The following AFAP1 variants were observed in gnomAD, a reference collection of about 807,000 sequenced individuals.
AFAP1 encodes actin filament associated protein 1.
In AFAP1, 75 loss-of-function variants were observed where a neutral mutation model predicts 93.9. That is an observed-to-expected ratio of 0.80 (90% CI 0.66 to 0.97). The LOEUF (loss-of-function observed/expected upper bound fraction) is 0.97. Among genes scored for constraint, AFAP1 ranks in the 50% least tolerant of loss-of-function variants. The pLI is 0.00. For missense variants in AFAP1, 1,201 were observed against 1,050.8 expected, an observed-to-expected ratio of 1.14 and a Z score of -1.98; for synonymous variants, 517 against 430.7, an observed-to-expected ratio of 1.20 and a Z score of -2.48.
Position 7,760,162 on chromosome 4 carries a change from C to G in AFAP1, c.*3603G>C, listed in dbSNP as rs781322920. The G allele has an allele frequency of 1.3e-5, 2 of 152,224 alleles. No homozygotes were observed. The highest frequency in any genetic ancestry group is 2.9e-5 in the Non-Finnish European group (2 of 68,030). 9.4% of individuals were successfully genotyped at this position (152,224 alleles called of 1,614,324 possible). A position where few individuals can be genotyped will look rare whatever the true frequency, so the allele number is the denominator to read the frequency against. On this transcript the variant is annotated 3_prime_UTR_variant, in exon 18 of 18. Transcript: ENST00000420658. The stretch of plus-strand genomic sequence containing the variant: ...AATGACAATGAACCTCAAACTCCTT[C>G]CTGGGGGTGGCCTCCAGAGCTGAGG...
At chr4:7,875,164 T>C (rs1271684833) in intron 1 of AFAP1, among the ~76,000 whole-genome samples, 2 of 152,230 alleles carry the variant, frequency 1.3e-5, no homozygotes, top group African/African-American at 4.8e-5. Flanking sequence ...GCAAAAAAGT[T>C]TGAGAGCTGC....
intron 1 of AFAP1, among the ~76,000 whole-genome samples, chr4:7,915,174 C>T (rs186795693): frequency 1.6e-4 from 25 of 152,350 alleles, no homozygotes; most frequent in Non-Finnish European, 2.8e-4. Context: ...TGCGCCCCCG[C>T]GCCCAGCCAG....
chr4:7,780,479 C>T (rs1716644789), intron 13 of AFAP1, among the ~76,000 whole-genome samples: 1 of 152,144 alleles, frequency 6.6e-6, no homozygotes, highest in Non-Finnish European at 1.5e-5. Context: ...TACATATGGG[C>T]TTAGGTCTTT....
chr4:7,939,309 G>T lies in AFAP1; in HGVS notation c.-3+347C>A. On this transcript the variant is annotated intron_variant, in intron 1 of 17. Transcript: ENST00000420658. This position sits in a 1 kb window ranked among gnomAD's most constrained non-coding sequence, Gnocchi z 5.6. ...TCCCACTCTTGGTGACCCGGACCCC[G>T]CCCCACGAGTGGGTCTTCGCAGGGC... 1 of 310,588 alleles carries T rather than the reference G, an allele frequency of 3.2e-6. No individual in the cohort carries two copies. The highest frequency in any genetic ancestry group is 2.4e-5 in the South Asian group (1 of 41,630). 19.2% of individuals were successfully genotyped at this position (310,588 alleles called of 1,614,324 possible).
At chr4:7,908,847 A>C (rs2082674340) in intron 1 of AFAP1, among the ~76,000 whole-genome samples, 1 of 152,222 alleles carries the variant, frequency 6.6e-6, no homozygotes, top group South Asian at 2.1e-4. Flanking sequence ...AAAGAAGCTA[A>C]TGAAGCTTTG....
At chr4:7,831,694 A>C in intron 6 of AFAP1, among the ~76,000 whole-genome samples, 1 of 152,334 alleles carries the variant, frequency 6.6e-6, no homozygotes, top group East Asian at 1.9e-4. Context: ...AACTAACTGT[A>C]AGGACAGAGG....
intron 17 of AFAP1, among the ~76,000 whole-genome samples, chr4:7,764,499 G>A (rs1353863566): frequency 6.6e-6 from 1 of 152,200 alleles, no homozygotes; most frequent in Non-Finnish European, 1.5e-5. Context: ...GCAACAATGG[G>A]AATGTGCTTA....
intron 1 of AFAP1, among the ~76,000 whole-genome samples, chr4:7,891,448 C>G (rs1388910113): frequency 6.6e-6 from 1 of 151,886 alleles, no homozygotes; most frequent in Non-Finnish European, 1.5e-5. Context: ...ACTATATATT[C>G]TAACTGATAA....
intron 4 of AFAP1, among the ~76,000 whole-genome samples, chr4:7,847,615 C>G (rs372138292): frequency 6.6e-6 from 1 of 152,168 alleles, no homozygotes; most frequent in Non-Finnish European, 1.5e-5. Context: ...AGAAGTTCAC[C>G]GTCTGGAGGC....
chr4:7,769,631 C>G (rs934776891), intron 16 of AFAP1, among the ~76,000 whole-genome samples: 1 of 147,216 alleles, frequency 6.8e-6, no homozygotes, highest in Non-Finnish European at 1.5e-5. Context: ...ATATGGGATC[C>G]CAAACTGCTC....
chr4:7,915,476 C>T (rs925596272), intron 1 of AFAP1, among the ~76,000 whole-genome samples: 7 of 92,842 alleles, frequency 7.5e-5, no homozygotes, highest in Non-Finnish European at 1.2e-4. Flanking sequence ...AAAACCCCAT[C>T]TAAAAAAAAA....
chr4:7,871,682 G>C (rs922340858), intron 2 of AFAP1, among the ~76,000 whole-genome samples: 4 of 152,162 alleles, frequency 2.6e-5, no homozygotes, highest in African/African-American at 7.2e-5. Flanking sequence ...CAAGTCCCGT[G>C]AGTCCTTCCA....
chr4:7,912,172 G>T (rs984530296), intron 1 of AFAP1, among the ~76,000 whole-genome samples: 7 of 152,184 alleles, frequency 4.6e-5, no homozygotes, highest in African/African-American at 1.7e-4. Context: ...CGGGACCTGG[G>T]TGCACCAGTT....
In AFAP1 at chr4:7,762,303, A is replaced by C. The variant is rs1183367000; in HGVS notation, c.*1462T>G. The stretch of plus-strand genomic sequence containing the variant: ...CATCTCTTCCTCTGTGTGAAAAAGG[A>C]CATTCTGGACAGTGGACAGAAGGAA... On this transcript the variant is annotated 3_prime_UTR_variant, in exon 18 of 18. Transcript: ENST00000420658. The C allele has an allele frequency of 6.6e-6, 1 of 152,224 alleles. No individual in the cohort carries two copies. Among genetic ancestry groups the C allele is most frequent in the Non-Finnish European group, 1.5e-5 (1 of 68,058 alleles). 9.4% of individuals were successfully genotyped at this position (152,224 alleles called of 1,614,324 possible). A position where few individuals can be genotyped will look rare whatever the true frequency, so the allele number is the denominator to read the frequency against.
chr4:7,774,643 C>A (rs981121948), intron 15 of AFAP1, 96 bp downstream of exon 15: 19 of 1,486,800 alleles, frequency 1.3e-5, no homozygotes, highest in Non-Finnish European at 9.0e-7. Flanking sequence ...AAAATGACAG[C>A]CTTGGTGAGC....
chr4:7,905,363 G>C (rs1041175360), intron 1 of AFAP1, among the ~76,000 whole-genome samples: 1 of 152,196 alleles, frequency 6.6e-6, no homozygotes, highest in Non-Finnish European at 1.5e-5. Context: ...TTCTCAAAAA[G>C]GAAGTGTGAC....
chr4:7,869,962 A>G (rs974376543), intron 2 of AFAP1, among the ~76,000 whole-genome samples: 2 of 152,192 alleles, frequency 1.3e-5, no homozygotes, highest in Non-Finnish European at 2.9e-5. Flanking sequence ...GCATGAAGAG[A>G]CCAGTGCTGG....
intron 12 of AFAP1, among the ~76,000 whole-genome samples, chr4:7,784,652 G>A (rs527375840): frequency 1.2e-4 from 19 of 152,140 alleles, no homozygotes; most frequent in Non-Finnish European, 2.4e-4. Context: ...AGAGCAGCAG[G>A]AAGGAGGAGG....
intron 1 of AFAP1, among the ~76,000 whole-genome samples, chr4:7,873,511 G>A (rs906842420): frequency 6.6e-6 from 1 of 151,160 alleles, no homozygotes. Flanking sequence ...ACCACGCCCA[G>A]CTAATTTTTT....
Sources: allele counts gnomAD v4.1 joint callset (sites outside exome capture counted in the v4.1 genomes callset), GRCh38; gene constraint gnomAD v4.1.1; non-coding constraint Gnocchi (gnomAD v3.1); transcripts MANE v1.5; gene names NCBI Gene and HGNC (gene_info 2026-07-23, HGNC 2026-07-21).